CHDH: variants seen among roughly 807,000 people sequenced by gnomAD.
The protein encoded by CHDH is choline dehydrogenase.
Under a neutral mutation model 56.9 loss-of-function variants are expected in CHDH, and 43 were observed. The ratio of observed to expected loss-of-function variants is 0.76; its 90% CI spans 0.59 to 0.97. The LOEUF is 0.97. CHDH is among the 50% of genes least tolerant of loss of function. The pLI is 0.00. For synonymous variants in CHDH, 364 were observed against 348.5 expected (o/e 1.04, Z -0.50); for missense variants, 816 against 821.1 (o/e 0.99, Z 0.08).
rs867311053 is a variant in CHDH, at chr3:53,817,904, C to T, written c.1658G>A (p.Ser553Asn). 1 of 1,614,108 alleles carries T rather than the reference C, an allele frequency of 6.2e-7. No individual in the cohort carries two copies. Among genetic ancestry groups the T allele is most frequent in the South Asian group, 1.1e-5 (1 of 91,090 alleles). ...VDASIMPSMV[S>N]GNLNAPTIMI... The stretch of plus-strand genomic sequence containing the variant: ...GATTGTGGGGGCGTTCAGGTTGCCG[C>T]TGACCATGCTAGGCATGATGGAGGC... The change falls in exon 9 of 9, where the codon AGC becomes AAC. Residue 553 changes from serine (S) to asparagine (N), a missense_variant. Transcript: ENST00000315251.
At position 53,846,318 on chromosome 3, in the gene CHDH, C is replaced by T. The variant is rs1698886189; in HGVS notation, c.-366G>A. ...GGGCGGGTGCAGCTGATGCACCTGG[C>T]TCACTGCATGCACGTGTGCGCGGGG... On this transcript the variant is annotated 5_prime_UTR_variant, in exon 1 of 9. Coordinates refer to ENST00000315251, the MANE Select transcript of CHDH (RefSeq NM_018397.5). The T allele has an allele frequency of 1.2e-5, 5 of 406,662 alleles. No homozygotes were observed. Among genetic ancestry groups the T allele is most frequent in the Admixed American group, 4.7e-5 (1 of 21,384 alleles). The allele number at this position is 406,662 out of a possible 1,614,324, so 25.2% of individuals were successfully genotyped here.
Position 53,815,742 on chromosome 3 carries a change from A to C in CHDH, c.*2035T>G, listed in dbSNP as rs1187841867. ...ATATCCATACCTGTTCCAGAGAAGA[A>C]GGGTCAGCACAGTCATGGTTGGTCC... On this transcript the variant is annotated 3_prime_UTR_variant, in exon 9 of 9. Coordinates refer to ENST00000315251, the MANE Select transcript of CHDH (RefSeq NM_018397.5). 1 of 152,244 alleles carries C rather than the reference A, an allele frequency of 6.6e-6. No homozygotes were observed. Among genetic ancestry groups the C allele is most frequent in the Admixed American group, 6.5e-5 (1 of 15,282 alleles). The allele number at this position is 152,244 out of a possible 1,614,324, so 9.4% of individuals were successfully genotyped here.
chr3:53,820,397 C>T, intron 6 of CHDH, 77 bp downstream of exon 6: 1 of 1,514,654 alleles, frequency 6.6e-7, no homozygotes, highest in Non-Finnish European at 8.9e-7. Context: ...TGGCCAGAAC[C>T]CCTGTTCAGC....
chr3:53,834,250 C>T (rs1227908675), intron 2 of CHDH, among the ~76,000 whole-genome samples: 1 of 152,144 alleles, frequency 6.6e-6, no homozygotes, highest in African/African-American at 2.4e-5. Context: ...AGTTCAAAAC[C>T]AGCCTGGCCA....
rs1366871471 is a variant in CHDH at position 53,817,869 on chromosome 3, C to T, written c.1693G>A (p.Glu565Lys). ...NLNAPTIMIAEKAADIIKGQP... is the reference protein window; with the variant it reads ...NLNAPTIMIAKKAADIIKGQP... ...CCCTTGATAATGTCAGCTGCCTTCT[C>T]TGCGATCATGATTGTGGGGGCGTTC... The change falls in exon 9 of 9, where the codon GAG becomes AAG. Residue 565 changes from glutamate (E) to lysine (K), a missense_variant. Transcript: ENST00000315251. 2 of 1,614,218 alleles carry T rather than the reference C, an allele frequency of 1.2e-6. No individual in the cohort carries two copies. Among genetic ancestry groups the T allele is most frequent in the Middle Eastern group, 1.6e-4 (1 of 6,062 alleles).
intron 1 of CHDH, among the ~76,000 whole-genome samples, chr3:53,843,201 T>TTTC (rs1698734429): frequency 6.7e-6 from 1 of 150,186 alleles, no homozygotes; most frequent in South Asian, 2.2e-4. Flanking sequence ...TTTTTTTTTT[T>TTTC]TTTGGTTCTG....
At chr3:53,830,701 T>C (rs1698306255) in intron 2 of CHDH, among the ~76,000 whole-genome samples, 1 of 152,190 alleles carries the variant, frequency 6.6e-6, no homozygotes, top group Non-Finnish European at 1.5e-5. Flanking sequence ...ATATACATTT[T>C]TTCCAAGTGC....
intron 8 of CHDH, 89 bp downstream of exon 8, chr3:53,818,849 T>C: frequency 1.2e-6 from 1 of 860,620 alleles, no homozygotes; most frequent in South Asian, 1.3e-5. Flanking sequence ...CTAGAAAGTG[T>C]AGTCCAAGGG....
chr3:53,831,974 A>C (rs1698348852), intron 2 of CHDH, among the ~76,000 whole-genome samples: 3 of 151,958 alleles, frequency 2.0e-5, no homozygotes, highest in Admixed American at 2.0e-4. Flanking sequence ...AAAAGAAAGA[A>C]AAGTAACAAG....
At chr3:53,844,176 C>G (rs1052145113) in intron 1 of CHDH, among the ~76,000 whole-genome samples, 3 of 152,192 alleles carry the variant, frequency 2.0e-5, no homozygotes, top group Non-Finnish European at 4.4e-5. Flanking sequence ...TCATTCTGAA[C>G]CCAGAACAGC....
At chr3:53,838,258 G>A (rs1250405963) in intron 2 of CHDH, among the ~76,000 whole-genome samples, 1 of 152,116 alleles carries the variant, frequency 6.6e-6, no homozygotes, top group African/African-American at 2.4e-5. Context: ...ATGGGTAGGA[G>A]GCAGGGTACA....
chr3:53,823,989 C>T lies in CHDH; in HGVS notation c.20G>A (p.Gly7Asp). Residue 7 changes from glycine to aspartate, a missense_variant, in exon 3 of 9, where the codon GGC becomes GAC. Gly to Asp is a moderately conservative substitution (Grantham distance 94). Coordinates refer to ENST00000315251, the MANE Select transcript of CHDH (RefSeq NM_018397.5). Reference sequence around the variant, plus strand: ...TGCCAGGGCTCCAGGCCGGCCCAGGCCTCGTAGGAGACACCACATGCTTCT... The same window carrying T: ...TGCCAGGGCTCCAGGCCGGCCCAGGTCTCGTAGGAGACACCACATGCTTCT... MWCLLR[G>D]LGRPGALARG... 6.7e-7 allele frequency: 1 copy of T among 1,493,754 alleles called. No homozygotes were observed. Among genetic ancestry groups the T allele is most frequent in the Non-Finnish European group, 8.8e-7 (1 of 1,131,392 alleles). The allele number at this position is 1,493,754 out of a possible 1,614,324, so 92.5% of individuals were successfully genotyped here.
intron 4 of CHDH, 47 bp downstream of exon 4, chr3:53,822,444 T>A (rs1336840915): frequency 1.3e-5 from 21 of 1,558,274 alleles, no homozygotes; most frequent in Non-Finnish European, 1.7e-5. Flanking sequence ...ACCACCAGGG[T>A]CACTGCCCAC....
intron 2 of CHDH, among the ~76,000 whole-genome samples, chr3:53,824,289 C>T (rs2095634809): frequency 6.6e-6 from 1 of 152,226 alleles, no homozygotes; most frequent in South Asian, 2.1e-4. Context: ...GGCCCCTCCC[C>T]CAACTGAGGG....
intron 5 of CHDH, among the ~76,000 whole-genome samples, chr3:53,820,822 C>A (rs1012239525): frequency 4.6e-5 from 7 of 152,248 alleles, no homozygotes; most frequent in African/African-American, 1.7e-4. Flanking sequence ...GCCAAGGCCA[C>A]CTGTCCTTGT....
intron 2 of CHDH, among the ~76,000 whole-genome samples, chr3:53,832,212 G>T (rs114842661): frequency 2.5e-3 from 385 of 152,266 alleles, no homozygotes; most frequent in African/African-American, 8.9e-3. Context: ...ACAGCAAAAA[G>T]GTGGCAACAA....
Position 53,814,585 on chromosome 3 carries a change from T to TGTTAA in CHDH, c.*3187_*3191dup, listed in dbSNP as rs1388268995. 6.6e-6 allele frequency: 1 copy of TGTTAA among 152,200 alleles called. No individual in the cohort carries two copies. The highest frequency in any genetic ancestry group is 1.5e-5 in the Non-Finnish European group (1 of 68,034). 9.4% of individuals were successfully genotyped at this position (152,200 alleles called of 1,614,324 possible). On this transcript the variant is annotated 3_prime_UTR_variant, in exon 9 of 9. Transcript: ENST00000315251. ...TTTAAAAAATCTGTATTGGATCTGA[T>TGTTAA]GTTAAGTTGGCTTATCAGTAGAAGC...
chr3:53,828,970 T>C (rs530282268), intron 2 of CHDH, among the ~76,000 whole-genome samples: 1 of 152,182 alleles, frequency 6.6e-6, no homozygotes, highest in African/African-American at 2.4e-5. Flanking sequence ...GTTTTATTCA[T>C]AACTGCCCAA....
rs746797465 is a variant in CHDH at position 53,817,732 on chromosome 3, G to A, written c.*45C>T. On this transcript the variant is annotated 3_prime_UTR_variant, in exon 9 of 9. Transcript: ENST00000315251. ...GAGCAAGGGCTGTGCTGGCCCTCTT[G>A]GCTTATCAGGGGGCTTCCCTGGTCA... is the stretch of plus-strand genomic sequence containing the variant. 5 of 1,525,144 alleles carry A rather than the reference G, an allele frequency of 3.3e-6. No individual in the cohort carries two copies. The African/African-American group carries it at 6.9e-5, about 21-fold the overall frequency. The allele number at this position is 1,525,144 out of a possible 1,614,324, so 94.5% of individuals were successfully genotyped here.
Sources: gnomAD v4.1 joint callset for allele counts (sites outside exome capture counted in the v4.1 genomes callset) on GRCh38, gnomAD v4.1.1 for gene constraint, MANE v1.5 for transcripts, NCBI Gene and HGNC (gene_info 2026-07-23, HGNC 2026-07-21) for gene names.